Variants in PPFIA2 observed in about 807,000 individuals in gnomAD.
PPFIA2 encodes the protein PPFI scaffold protein A2, also known as liprin-alpha-2.
A neutral mutation model predicts 175.5 loss-of-function variants in PPFIA2; 46 were observed. The observed-to-expected ratio is 0.26, with a 90% CI of 0.21 to 0.34. The LOEUF is 0.34. Among genes scored for constraint, PPFIA2 ranks in the 10% least tolerant of loss-of-function variants. The pLI, the probability that PPFIA2 is intolerant of heterozygous loss-of-function variation, is 1.00. For missense variants in PPFIA2, 1,179 were observed against 1,506.1 expected (o/e 0.78, Z 3.60); for synonymous variants, 568 against 511.4 (o/e 1.11, Z -1.49).
chr12:81,259,748 A>G lies in PPFIA2; in HGVS notation c.*34-88T>C, dbSNP rs917459609. ...ACTCCTCTGTGGTGTACCTCCACGC[A>G]GCCTGCTTACTCCTGTCCTAGAAGA... On this transcript the variant is annotated intron_variant, in intron 32 of 32. Coordinates refer to ENST00000549396, the MANE Select transcript of PPFIA2 (RefSeq NM_003625.5). 3.3e-5 allele frequency: 39 copies of G among 1,169,972 alleles called. No homozygotes were observed. In the East Asian group the frequency reaches 8.0e-4, roughly 24 times the overall value. The allele number at this position is 1,169,972 out of a possible 1,614,324, so 72.5% of individuals were successfully genotyped here. A position where few individuals can be genotyped will look rare whatever the true frequency, so the allele number is the denominator to read the frequency against.
chr12:81,369,541 AGTAAC>A, intron 11 of PPFIA2: 1 of 715,838 alleles, frequency 1.4e-6, no homozygotes, highest in African/African-American at 1.9e-5. Context: ...AATAAATAAA[AGTAAC>A]ATAATTTTTA....
At chr12:81,426,769 A>T (rs2047205187) in intron 7 of PPFIA2, among the ~76,000 whole-genome samples, 1 of 152,070 alleles carries the variant, frequency 6.6e-6, no homozygotes, top group Non-Finnish European at 1.5e-5. Flanking sequence ...GTTAAAAATG[A>T]CATGGGAACA....
intron 4 of PPFIA2, among the ~76,000 whole-genome samples, chr12:81,467,765 C>G (rs1019581487): frequency 6.6e-6 from 1 of 152,116 alleles, no homozygotes; most frequent in Non-Finnish European, 1.5e-5. Flanking sequence ...TTTTAATGAA[C>G]CCTTGCATTG....
intron 24 of PPFIA2, among the ~76,000 whole-genome samples, chr12:81,286,943 T>C (rs775821935): frequency 3.4e-4 from 52 of 152,034 alleles, no homozygotes; most frequent in Non-Finnish European, 7.2e-4. Flanking sequence ...CTTCTAACAA[T>C]GATGCTCATT....
chr12:81,367,447 C>A (rs1394070052), intron 13 of PPFIA2, among the ~76,000 whole-genome samples: 8 of 151,706 alleles, frequency 5.3e-5, no homozygotes, highest in African/African-American at 1.9e-4. Context: ...TTTGCCTTTT[C>A]TCAGACCACA....
At chr12:81,410,010 T>C (rs2043635890) in intron 7 of PPFIA2, among the ~76,000 whole-genome samples, 1 of 152,074 alleles carries the variant, frequency 6.6e-6, no homozygotes, top group Non-Finnish European at 1.5e-5. Context: ...AGACGATAAA[T>C]GGAATTAGTA....
chr12:81,409,907 A>G (rs2043609774), intron 7 of PPFIA2, among the ~76,000 whole-genome samples: 1 of 152,152 alleles, frequency 6.6e-6, no homozygotes, highest in Non-Finnish European at 1.5e-5. Flanking sequence ...GACAACTGCT[A>G]TGGTTTGAAT....
intron 23 of PPFIA2, among the ~76,000 whole-genome samples, chr12:81,295,797 C>G (rs1296649383): frequency 1.3e-5 from 2 of 151,904 alleles, no homozygotes; most frequent in African/African-American, 4.8e-5. Context: ...TCGAGACCAG[C>G]CTGGCCAACT....
intron 4 of PPFIA2, among the ~76,000 whole-genome samples, chr12:81,481,290 G>A (rs574017306): frequency 1.2e-4 from 19 of 152,190 alleles, no homozygotes; most frequent in African/African-American, 3.1e-4. Flanking sequence ...TAGGAAGAAC[G>A]AATATCGTGA....
chr12:81,724,986 C>T (rs897186147), intron 3 of PPFIA2, among the ~76,000 whole-genome samples: 4 of 150,936 alleles, frequency 2.7e-5, no homozygotes, highest in Admixed American at 1.3e-4. Flanking sequence ...CCCTCATCAG[C>T]GTCTGTTATT....
At chr12:81,412,132 G>GA (rs933910863) in intron 7 of PPFIA2, among the ~76,000 whole-genome samples, 1 of 151,546 alleles carries the variant, frequency 6.6e-6, no homozygotes, top group African/African-American at 2.4e-5. Flanking sequence ...ATATTATCAT[G>GA]AAAAAAATGA....
chr12:81,580,803 T>C (rs1013612821), intron 4 of PPFIA2, among the ~76,000 whole-genome samples: 1 of 151,716 alleles, frequency 6.6e-6, no homozygotes, highest in Non-Finnish European at 1.5e-5. Context: ...TTTGAGATAA[T>C]TACATATATC....
In PPFIA2 at chr12:81,685,247, G is replaced by A. The variant is rs1037767375; in HGVS notation, c.250-8403C>T. ...AGGCAAGCATCCAAATAATGAAGCT[G>A]AGTTTGTTAATGAGGCATCTTCCTC... On this transcript the variant is annotated intron_variant, in intron 3 of 32. Coordinates refer to ENST00000549396, the MANE Select transcript of PPFIA2 (RefSeq NM_003625.5). 2.6e-5 allele frequency among the ~76,000 whole-genome samples: 4 copies of A among 152,006 alleles called. No individual in the cohort carries two copies. In the East Asian group the frequency reaches 7.7e-4, roughly 29 times the overall value.
At chr12:81,262,129 G>GAAAATAA in intron 31 of PPFIA2, 89 bp from the exon 32 acceptor site, 1 of 903,168 alleles carries the variant, frequency 1.1e-6, no homozygotes, top group Non-Finnish European at 1.8e-6. Flanking sequence ...TGCATACAGG[G>GAAAATAA]ATTCCGAACA....
chr12:81,401,486 G>C (rs2042093239), intron 8 of PPFIA2, among the ~76,000 whole-genome samples: 1 of 152,100 alleles, frequency 6.6e-6, no homozygotes, highest in South Asian at 2.1e-4. Flanking sequence ...ACCCCTCAAT[G>C]AGGATTAATT....
intron 4 of PPFIA2, among the ~76,000 whole-genome samples, chr12:81,650,200 G>A (rs926562887): frequency 1.3e-5 from 2 of 151,696 alleles, no homozygotes; most frequent in East Asian, 2.0e-4. Context: ...TAGTAGAGAC[G>A]GGGCTTCACC....
chr12:81,589,996 T>C (rs2058488323), intron 4 of PPFIA2, among the ~76,000 whole-genome samples: 1 of 152,130 alleles, frequency 6.6e-6, no homozygotes, highest in Non-Finnish European at 1.5e-5. Flanking sequence ...GCATACTTTA[T>C]TTTTAGCCAT....
intron 21 of PPFIA2, among the ~76,000 whole-genome samples, chr12:81,329,493 C>T (rs1187081011): frequency 1.3e-5 from 2 of 152,088 alleles, no homozygotes; most frequent in African/African-American, 4.8e-5. Flanking sequence ...TTGCCAGCCC[C>T]TCTTCCTGTG....
At chr12:81,269,033 G>A (rs535502697) in intron 28 of PPFIA2, among the ~76,000 whole-genome samples, 4 of 152,122 alleles carry the variant, frequency 2.6e-5, no homozygotes, top group African/African-American at 9.6e-5. Flanking sequence ...ATTGAAAGTA[G>A]TATTCTATTG....
Sources: allele counts gnomAD v4.1 joint callset (sites outside exome capture counted in the v4.1 genomes callset), GRCh38; gene constraint gnomAD v4.1.1; transcripts MANE v1.5; gene names NCBI Gene and HGNC (gene_info 2026-07-23, HGNC 2026-07-21).